Variants in TRPM3 observed in about 807,000 individuals in gnomAD.
TRPM3 encodes long transient receptor potential channel 3.
In TRPM3, 77 loss-of-function variants were observed where a neutral mutation model predicts 181.2. That is an observed-to-expected ratio of 0.42 (90% CI 0.35 to 0.51). The LOEUF (loss-of-function observed/expected upper bound fraction) is 0.51, where lower values mean the gene tolerates loss of function less well. Among genes scored for constraint, TRPM3 ranks in the 20% least tolerant of loss-of-function variants. The pLI is 0.01. For synonymous variants in TRPM3, 745 were observed against 796.4 expected (o/e 0.94, Z 1.09); for missense variants, 1,759 against 2,196.7 (o/e 0.80, Z 3.98).
intron 1 of TRPM3, among the ~76,000 whole-genome samples, chr9:71,340,142 T>C (rs2090855807): frequency 1.3e-5 from 2 of 152,124 alleles, no homozygotes; most frequent in South Asian, 4.1e-4. Context: ...CATGCCAGGG[T>C]TGAACAAATG....
At chr9:70,768,988 G>T (rs2079675038) in intron 7 of TRPM3, among the ~76,000 whole-genome samples, 1 of 152,000 alleles carries the variant, frequency 6.6e-6, no homozygotes, top group Non-Finnish European at 1.5e-5. Flanking sequence ...TATCTACTTT[G>T]GTTTTCATCC....
chr9:71,229,272 G>A (rs996135712), intron 1 of TRPM3, among the ~76,000 whole-genome samples: 1 of 152,066 alleles, frequency 6.6e-6, no homozygotes, highest in South Asian at 2.1e-4. Context: ...ATATGCAGAA[G>A]AATAAAACTA....
chr9:70,801,673 C>A (rs924870870), intron 6 of TRPM3, among the ~76,000 whole-genome samples: 1 of 151,898 alleles, frequency 6.6e-6, no homozygotes, highest in Non-Finnish European at 1.5e-5. Flanking sequence ...CTTAATCACT[C>A]GAGTATTTAA....
chr9:70,569,183 C>T (rs1001304992), intron 22 of TRPM3, among the ~76,000 whole-genome samples: 2 of 152,136 alleles, frequency 1.3e-5, no homozygotes, highest in Non-Finnish European at 2.9e-5. Flanking sequence ...CAATGTAAGC[C>T]ATCTTCATGT....
At chr9:71,226,385 G>A (rs1199348990) in intron 1 of TRPM3, among the ~76,000 whole-genome samples, 2 of 151,950 alleles carry the variant, frequency 1.3e-5, no homozygotes, top group Admixed American at 6.6e-5. Flanking sequence ...GAAAGACATA[G>A]AGTGGCTGAA....
In TRPM3 at chr9:71,303,055, C is replaced by T. The variant is rs79000557; in HGVS notation, c.183+143598G>A. 8.9e-3 allele frequency among the ~76,000 whole-genome samples: 1,353 copies of T among 152,174 alleles called. 26 individuals carry two copies. The highest frequency in any genetic ancestry group is 0.03 in the African/African-American group (1,231 of 41,526). On this transcript the variant is annotated intron_variant, in intron 1 of 24. Transcript: ENST00000357533. The stretch of plus-strand genomic sequence containing the variant: ...CGCTCACCAATGCTCAGAGACTAGG[C>T]AAATCTCGTTTCTTCACCCACAGTG...
At chr9:71,420,989 GAGAGAGAAAAAGAGAGAAAA>G (rs755344337) in intron 1 of TRPM3, among the ~76,000 whole-genome samples, 4 of 101,882 alleles carry the variant, frequency 3.9e-5, no homozygotes, top group East Asian at 5.9e-4. Context: ...GAGAGAAAAA[GAGAGAGAAAAAGAGAGAAAA>G]AGAGAGAAAA....
intron 1 of TRPM3, among the ~76,000 whole-genome samples, chr9:71,286,819 C>A (rs1195425098): frequency 1.3e-5 from 2 of 151,286 alleles, no homozygotes; most frequent in Admixed American, 1.3e-4. Flanking sequence ...AAAATGCCAA[C>A]CCCTTCCGCC....
chr9:71,261,653 G>A (rs1470031569), intron 1 of TRPM3, among the ~76,000 whole-genome samples: 1 of 152,080 alleles, frequency 6.6e-6, no homozygotes, highest in Non-Finnish European at 1.5e-5. Context: ...TCTATCTTTG[G>A]TCTTTGCTGT....
At chr9:70,669,991 C>T (rs2062614731) in intron 9 of TRPM3, among the ~76,000 whole-genome samples, 1 of 152,108 alleles carries the variant, frequency 6.6e-6, no homozygotes, top group Non-Finnish European at 1.5e-5. Flanking sequence ...CCTGCTTTGG[C>T]CTCCCAAAGT....
At chr9:71,409,145 T>C (rs2093493830) in intron 1 of TRPM3, among the ~76,000 whole-genome samples, 1 of 152,148 alleles carries the variant, frequency 6.6e-6, no homozygotes, top group African/African-American at 2.4e-5. Context: ...TACCAGCCAC[T>C]GCAAAAACAT....
intron 22 of TRPM3, among the ~76,000 whole-genome samples, chr9:70,574,866 G>C (rs1267563387): frequency 6.6e-6 from 1 of 152,112 alleles, no homozygotes; most frequent in African/African-American, 2.4e-5. Context: ...TGAAGAGAGA[G>C]AGGCATGCTA....
chr9:71,031,972 T>TTATATATATATTATA lies in TRPM3; in HGVS notation c.177+89205_177+89206insTATAATATATATATA, dbSNP rs1554806565. ...ATATATATATAATTATATATATATATTATATATATATATATTATATATATA... is the reference window on the plus strand; with the variant it reads ...ATATATATATAATTATATATATATATTATATATATATTATATATATATATATATATTATATATATA... On this transcript the variant is annotated intron_variant, in intron 1 of 25. Coordinates refer to ENST00000677713, the MANE Select transcript of TRPM3 (RefSeq NM_001366145.2). Among the ~76,000 whole-genome samples, 6 of 638 alleles carry TTATATATATATTATA rather than the reference T, an allele frequency of 9.4e-3. 1 individual carries two copies. Among genetic ancestry groups the TTATATATATATTATA allele is most frequent in the Admixed American group, 0.12 (2 of 16 alleles). The allele number at this position is 638 out of a possible 152,430, so 0.4% of individuals were successfully genotyped here. A position where few individuals can be genotyped will look rare whatever the true frequency, so the allele number is the denominator to read the frequency against.
chr9:71,285,688 G>A (rs1010837151), intron 1 of TRPM3, among the ~76,000 whole-genome samples: 2 of 152,110 alleles, frequency 1.3e-5, no homozygotes, highest in East Asian at 3.9e-4. Flanking sequence ...ATCATACAAG[G>A]CTTTCTTGGC....
chr9:70,916,931 T>C (rs561731909), intron 1 of TRPM3: 3 of 1,119,782 alleles, frequency 2.7e-6, no homozygotes, highest in Non-Finnish European at 3.9e-6. Context: ...TAGATACTGA[T>C]GGTGGCACTG....
chr9:71,201,231 G>A lies in TRPM3; in HGVS notation c.183+245422C>T, dbSNP rs1010051748. ...CTCTCTTCTGGCTTGTAGAGTTTCTGCTGAGACATCTGCTGTTAGTCTGAT... is the reference window on the plus strand; with the variant it reads ...CTCTCTTCTGGCTTGTAGAGTTTCTACTGAGACATCTGCTGTTAGTCTGAT... On this transcript the variant is annotated intron_variant, in intron 1 of 24. Coordinates refer to the TRPM3 transcript ENST00000357533. 2.0e-3 allele frequency among the ~76,000 whole-genome samples: 306 copies of A among 152,028 alleles called. 1 individual carries two copies. Among genetic ancestry groups the A allele is most frequent in the Non-Finnish European group, 1.7e-3 (116 of 67,996 alleles).
intron 1 of TRPM3, among the ~76,000 whole-genome samples, chr9:70,875,711 A>G (rs972950498): frequency 3.9e-5 from 6 of 151,954 alleles, no homozygotes; most frequent in African/African-American, 1.4e-4. Context: ...TCAGGTCAGA[A>G]TATGCAGAGA....
Position 70,773,910 on chromosome 9 carries a change from C to T in TRPM3, c.1148+10195G>A, listed in dbSNP as rs558269761. Among the ~76,000 whole-genome samples the T allele has an allele frequency of 1.6e-4, 24 of 152,264 alleles. No homozygotes were observed. The South Asian group carries it at 1.9e-3, about 12-fold the overall frequency. On this transcript the variant is annotated intron_variant, in intron 7 of 25. Transcript: ENST00000677713. ...CACTACGTGATGATTGCCTGGTAGTCTTATAGCTACAGGGGTATCTATAAG... is the reference window on the plus strand; with the variant it reads ...CACTACGTGATGATTGCCTGGTAGTTTTATAGCTACAGGGGTATCTATAAG...
intron 1 of TRPM3, among the ~76,000 whole-genome samples, chr9:71,350,189 T>C (rs1275207306): frequency 2.0e-5 from 3 of 152,110 alleles, no homozygotes; most frequent in Non-Finnish European, 2.9e-5. Flanking sequence ...TGAGCAAATA[T>C]CTCACAGTCT....
Sources: allele counts gnomAD v4.1 joint callset (sites outside exome capture counted in the v4.1 genomes callset), GRCh38; gene constraint gnomAD v4.1.1; transcripts MANE v1.5; gene names NCBI Gene and HGNC (gene_info 2026-07-23, HGNC 2026-07-21).